The following ANP32A variants were observed in gnomAD, a reference collection of about 807,000 sequenced individuals.
ANP32A encodes acidic nuclear phosphoprotein 32 family member A.
ANP32A carries 1 observed loss-of-function variant against 33.9 expected under a neutral mutation model. The ratio of observed to expected loss-of-function variants is 0.03; its 90% CI spans 0.01 to 0.14. ANP32A has a LOEUF of 0.14. ANP32A is among the 10% of genes least tolerant of loss of function. ANP32A has a pLI of 1.00. For missense variants in ANP32A, 155 were observed against 306.0 expected, an observed-to-expected ratio of 0.51 and a Z score of 3.68; for synonymous variants, 115 against 120.5, an observed-to-expected ratio of 0.95 and a Z score of 0.30.
At chr15:68,795,308 C>T (rs1894049333) in intron 1 of ANP32A, among the ~76,000 whole-genome samples, 1 of 152,204 alleles carries the variant, frequency 6.6e-6, no homozygotes. Flanking sequence ...GCATCCACGT[C>T]TCTGATTTTT....
intron 1 of ANP32A, among the ~76,000 whole-genome samples, chr15:68,810,570 T>C (rs536338838): frequency 1.3e-5 from 2 of 152,278 alleles, no homozygotes; most frequent in African/African-American, 4.8e-5. Flanking sequence ...CAGCACGCAG[T>C]ACCTGCAGCT....
intron 1 of ANP32A, among the ~76,000 whole-genome samples, chr15:68,792,733 G>C (rs185430735): frequency 1.1e-4 from 17 of 152,306 alleles, no homozygotes; most frequent in African/African-American, 3.6e-4. Flanking sequence ...AAGTGGTCAA[G>C]AGGCAGCCTG....
intron 1 of ANP32A, among the ~76,000 whole-genome samples, chr15:68,818,961 C>A (rs962775906): frequency 1.3e-5 from 2 of 152,156 alleles, no homozygotes; most frequent in Non-Finnish European, 2.9e-5. Flanking sequence ...GCCCCCTCCT[C>A]TCCCGCGGCC....
chr15:68,817,464 C>T (rs917823016), intron 1 of ANP32A: 5 of 152,394 alleles, frequency 3.3e-5, no homozygotes, highest in Admixed American at 6.5e-5. Context: ...GGCTGCTGTC[C>T]TTGGCTTCAG....
intron 1 of ANP32A, among the ~76,000 whole-genome samples, chr15:68,810,049 G>A (rs1205584700): frequency 6.6e-6 from 1 of 152,190 alleles, no homozygotes; most frequent in Admixed American, 6.5e-5. Flanking sequence ...GGCTGGAGAT[G>A]GTAAAGATGA....
At chr15:68,784,293 T>C in intron 4 of ANP32A, 104 bp downstream of exon 4, 1 of 1,322,336 alleles carries the variant, frequency 7.6e-7, no homozygotes, top group Admixed American at 2.1e-5. Flanking sequence ...AGTAGCTGGG[T>C]GGGGGCCTCC....
intron 1 of ANP32A, among the ~76,000 whole-genome samples, chr15:68,805,971 G>A (rs1246957326): frequency 2.0e-5 from 3 of 152,294 alleles, no homozygotes; most frequent in African/African-American, 4.8e-5. Context: ...TCATCAATGT[G>A]TGTGGAATGA....
intron 1 of ANP32A, among the ~76,000 whole-genome samples, chr15:68,795,831 G>A (rs931118367): frequency 2.0e-5 from 3 of 152,132 alleles, no homozygotes; most frequent in Non-Finnish European, 2.9e-5. Context: ...TCCACATCAA[G>A]GACCTGTCAG....
chr15:68,804,596 A>G (rs1894188085), intron 1 of ANP32A, among the ~76,000 whole-genome samples: 1 of 152,158 alleles, frequency 6.6e-6, no homozygotes, highest in Non-Finnish European at 1.5e-5. Flanking sequence ...GTAGTGGCAC[A>G]ATCTCGGTTC....
intron 1 of ANP32A, among the ~76,000 whole-genome samples, chr15:68,811,620 T>C (rs1894313167): frequency 6.6e-6 from 1 of 152,200 alleles, no homozygotes; most frequent in African/African-American, 2.4e-5. Context: ...GTCAGGACTG[T>C]AGTGAATTCC....
chr15:68,820,849 A>G lies in ANP32A; in HGVS notation c.-98T>C. On this transcript the variant is annotated 5_prime_UTR_variant, in exon 1 of 7. Transcript: ENST00000465139. ...CGCGTTTTAGGACTTTGAAGGCTCA[A>G]CCAGCTCCGCTCGGTTCTCGAGCCC... is the stretch of plus-strand genomic sequence containing the variant. 1 of 1,424,190 alleles carries G rather than the reference A, an allele frequency of 7.0e-7. No homozygotes were observed. The highest frequency in any genetic ancestry group is 1.2e-5 in the South Asian group (1 of 85,660). 88.2% of individuals were successfully genotyped at this position (1,424,190 alleles called of 1,614,324 possible).
chr15:68,788,204 A>T (rs901433027), intron 1 of ANP32A, among the ~76,000 whole-genome samples: 3 of 152,134 alleles, frequency 2.0e-5, no homozygotes, highest in African/African-American at 7.2e-5. Flanking sequence ...TGTACCGCAG[A>T]AGACAAACCC....
intron 1 of ANP32A, among the ~76,000 whole-genome samples, chr15:68,794,638 A>G (rs1365969115): frequency 6.6e-6 from 1 of 152,212 alleles, no homozygotes; most frequent in Non-Finnish European, 1.5e-5. Context: ...TGAGACACCA[A>G]GGTTTTAGAC....
chr15:68,809,965 A>T (rs553189705), intron 1 of ANP32A, among the ~76,000 whole-genome samples: 1 of 152,194 alleles, frequency 6.6e-6, no homozygotes, highest in Non-Finnish European at 1.5e-5. Context: ...TGTAGTTACA[A>T]ACTGAAGCAC....
intron 4 of ANP32A, 57 bp downstream of exon 4, chr15:68,784,340 C>G (rs749673651): frequency 6.4e-7 from 1 of 1,569,160 alleles, no homozygotes; most frequent in South Asian, 1.1e-5. Flanking sequence ...AAGCCAAGGA[C>G]GAGCCCCAAG....
At position 68,778,626 on chromosome 15, in the gene ANP32A, A is replaced by G. The variant is rs1893822900; in HGVS notation, c.*1455T>C. 6.6e-6 allele frequency: 1 copy of G among 152,244 alleles called. No homozygotes were observed. The highest frequency in any genetic ancestry group is 1.5e-5 in the Non-Finnish European group (1 of 68,040). 9.4% of individuals were successfully genotyped at this position (152,244 alleles called of 1,614,324 possible). A position where few individuals can be genotyped will look rare whatever the true frequency, so the allele number is the denominator to read the frequency against. On this transcript the variant is annotated 3_prime_UTR_variant, in exon 7 of 7. Coordinates refer to ENST00000465139, the MANE Select transcript of ANP32A (RefSeq NM_006305.4). ...CAAACAAAACAATGAAAGATATTCAAAACAAGGTTCCAAGGTTGGCCCAAC... is the reference window on the plus strand; with the variant it reads ...CAAACAAAACAATGAAAGATATTCAGAACAAGGTTCCAAGGTTGGCCCAAC...
chr15:68,815,029 G>C (rs1031748679), intron 1 of ANP32A, among the ~76,000 whole-genome samples: 1 of 152,210 alleles, frequency 6.6e-6, no homozygotes, highest in African/African-American at 2.4e-5. Flanking sequence ...AACTCTAGAC[G>C]AGAAGTGCTT....
chr15:68,783,962 TTCTC>T (rs1226482331), intron 4 of ANP32A, among the ~76,000 whole-genome samples: 1 of 152,132 alleles, frequency 6.6e-6, no homozygotes, highest in East Asian at 1.9e-4. Flanking sequence ...CCACACACTC[TTCTC>T]TCTCTATCCC....
At chr15:68,788,257 A>G (rs1596065257) in intron 1 of ANP32A, among the ~76,000 whole-genome samples, 1 of 151,984 alleles carries the variant, frequency 6.6e-6, no homozygotes, top group African/African-American at 2.4e-5. Flanking sequence ...TCTCATTCCA[A>G]CCCTGCTCTC....
Sources: gnomAD v4.1 joint callset for allele counts (sites outside exome capture counted in the v4.1 genomes callset) on GRCh38, gnomAD v4.1.1 for gene constraint, MANE v1.5 for transcripts, NCBI Gene and HGNC (gene_info 2026-07-23, HGNC 2026-07-21) for gene names.